The following APBA2 variants were observed in gnomAD, a reference collection of about 807,000 sequenced individuals.
APBA2 encodes amyloid beta precursor protein binding family A member 2.
In APBA2, 30 loss-of-function variants were observed where a neutral mutation model predicts 75.0. The ratio of observed to expected loss-of-function variants is 0.40; its 90% CI spans 0.30 to 0.54. APBA2 has a LOEUF of 0.54. APBA2 is among the 20% of genes least tolerant of loss of function. The pLI is 0.49. For missense variants in APBA2, 801 were observed against 1,016.1 expected, an observed-to-expected ratio of 0.79 and a Z score of 2.88; for synonymous variants, 444 against 409.6, an observed-to-expected ratio of 1.08 and a Z score of -1.01.
chr15:29,005,608 A>T (rs751326343), intron 3 of APBA2, among the ~76,000 whole-genome samples: 1 of 152,128 alleles, frequency 6.6e-6, no homozygotes, highest in African/African-American at 2.4e-5. Flanking sequence ...TCACGCCAGC[A>T]AATTCCAGTG....
chr15:29,109,435 T>C (rs527350448), intron 13 of APBA2, among the ~76,000 whole-genome samples: 448 of 151,290 alleles, frequency 3.0e-3, no homozygotes, highest in African/African-American at 0.01. Context: ...TAATTTGCAG[T>C]GGGGGCGGTG....
intron 3 of APBA2, 54 bp from the exon 4 acceptor site, chr15:29,053,791 T>C: frequency 8.6e-7 from 1 of 1,157,738 alleles, no homozygotes; most frequent in Non-Finnish European, 1.2e-6. Flanking sequence ...GCCCCACACA[T>C]GGCTGGGCTT....
chr15:29,015,978 GC>G (rs1407388549), intron 3 of APBA2, among the ~76,000 whole-genome samples: 6 of 152,218 alleles, frequency 3.9e-5, no homozygotes, highest in Non-Finnish European at 7.3e-5. Context: ...CTTATGGTTG[GC>G]CGGGCGCGGT....
At chr15:29,056,661 C>CTCTT (rs1207097074) in intron 4 of APBA2, among the ~76,000 whole-genome samples, 19 of 118,472 alleles carry the variant, frequency 1.6e-4, no homozygotes, top group South Asian at 3.3e-4. Flanking sequence ...CTCTCTCTCT[C>CTCTT]TCTTTCTTTC....
chr15:29,110,302 T>C (rs992386794), intron 13 of APBA2, among the ~76,000 whole-genome samples: 1 of 152,102 alleles, frequency 6.6e-6, no homozygotes, highest in African/African-American at 2.4e-5. Flanking sequence ...CCTGGGGTGC[T>C]GTATGGTGTC....
intron 1 of APBA2, among the ~76,000 whole-genome samples, chr15:28,898,062 G>A (rs965654261): frequency 1.3e-5 from 2 of 152,152 alleles, no homozygotes; most frequent in African/African-American, 4.8e-5. Context: ...AGGGAGCACC[G>A]GCAGCTGGGA....
At chr15:29,071,575 C>G (rs1011593797) in intron 4 of APBA2, among the ~76,000 whole-genome samples, 1 of 148,350 alleles carries the variant, frequency 6.7e-6, no homozygotes, top group Admixed American at 6.8e-5. Flanking sequence ...GAGGGCATAA[C>G]AGGATTTAAA....
chr15:28,915,397 C>T (rs1208571768), intron 1 of APBA2, among the ~76,000 whole-genome samples: 3 of 148,812 alleles, frequency 2.0e-5, no homozygotes, highest in Non-Finnish European at 4.5e-5. Context: ...ACCTCACACA[C>T]CACACATTCA....
At chr15:29,013,755 C>T (rs538545383) in intron 3 of APBA2, among the ~76,000 whole-genome samples, 12 of 152,270 alleles carry the variant, frequency 7.9e-5, no homozygotes, top group African/African-American at 2.6e-4. Flanking sequence ...CTATGTAAAA[C>T]AGGCTTTTCA....
At chr15:29,102,109 T>C (rs1324194329) in intron 10 of APBA2, 1 of 475,374 alleles carries the variant, frequency 2.1e-6, no homozygotes. Flanking sequence ...ACTTTTGTTA[T>C]TAAAATGCAA....
rs765271124 is a variant in APBA2, at chr15:29,053,931, A to G, written c.47A>G (p.His16Arg). 1 of 1,613,858 alleles carries G rather than the reference A, an allele frequency of 6.2e-7. No homozygotes were observed. ...AGCGTGGGGAGCGGCATGTTGGACC[A>G]TAGGGTGAGACCAGGTCCTGTCCCT... ...LESVGSGMLD[H>R]RVRPGPVPHS... The change falls in exon 4 of 15, where the codon CAT (histidine) becomes CGT (arginine). Residue 16 changes from histidine (H) to arginine (R), a missense_variant. Around this residue, in one of 2 missense-constraint regions of APBA2, gnomAD observed 434 missense variants for 471.6 expected, o/e 0.92. Transcript: ENST00000683413.
intron 1 of APBA2, among the ~76,000 whole-genome samples, chr15:28,888,620 C>T (rs1341169279): frequency 5.3e-5 from 8 of 152,180 alleles, no homozygotes; most frequent in South Asian, 2.1e-4. Flanking sequence ...AGAGGACTGG[C>T]GGTCGGTGGG....
intron 5 of APBA2, 82 bp from the exon 6 acceptor site, chr15:29,075,973 T>A: frequency 7.7e-7 from 1 of 1,306,010 alleles, no homozygotes. Context: ...ATGGCTCATA[T>A]CACAGCCCTG....
intron 1 of APBA2, among the ~76,000 whole-genome samples, chr15:28,916,336 C>T (rs1444916622): frequency 3.3e-5 from 5 of 152,268 alleles, no homozygotes; most frequent in East Asian, 1.9e-4. Flanking sequence ...CCCCACAGGT[C>T]GTTTTGTCTC....
intron 2 of APBA2, among the ~76,000 whole-genome samples, chr15:28,948,561 C>T (rs2035674903): frequency 6.6e-6 from 1 of 152,154 alleles, no homozygotes; most frequent in Admixed American, 6.5e-5. Context: ...GCTTCACTGG[C>T]TGTCAGAGCC....
At chr15:28,929,074 T>C (rs1454733663) in intron 2 of APBA2, among the ~76,000 whole-genome samples, 1 of 152,178 alleles carries the variant, frequency 6.6e-6, no homozygotes, top group East Asian at 1.9e-4. Flanking sequence ...GTCATGAGGA[T>C]GGGAGTGATG....
At chr15:29,107,381 C>T (rs59772264) in intron 12 of APBA2, among the ~76,000 whole-genome samples, 3,468 of 152,276 alleles carry the variant, frequency 0.023, 137 homozygotes, top group African/African-American at 0.077. Flanking sequence ...TCACACTGGC[C>T]GCCTGCGAAG....
intron 12 of APBA2, among the ~76,000 whole-genome samples, 166 bp from the exon 13 acceptor site, chr15:29,108,103 TG>T (rs2044525265): frequency 6.6e-6 from 1 of 151,894 alleles, no homozygotes; most frequent in Admixed American, 6.6e-5. Context: ...GGGCGAGGCT[TG>T]TCCCCGCTGC....
chr15:29,085,054 AATTG>A, intron 6 of APBA2, among the ~76,000 whole-genome samples: 1 of 152,226 alleles, frequency 6.6e-6, no homozygotes, highest in South Asian at 2.1e-4. Flanking sequence ...TAGATCTAGT[AATTG>A]ATTAGAAGTT....
Sources: gnomAD v4.1 joint callset for allele counts (sites outside exome capture counted in the v4.1 genomes callset) on GRCh38, gnomAD v4.1.1 for gene constraint, gnomAD v4.1.1 regional missense constraint, MANE v1.5 for transcripts, NCBI Gene and HGNC (gene_info 2026-07-23, HGNC 2026-07-21) for gene names.